Variants in UNC13C observed in about 807,000 individuals in gnomAD.
UNC13C encodes unc-13 homolog C.
UNC13C carries 174 observed loss-of-function variants against 245.4 expected under a neutral mutation model. The ratio of observed to expected loss-of-function variants is 0.71; its 90% confidence interval spans 0.63 to 0.80. UNC13C has a LOEUF of 0.80. UNC13C is among the 30% of genes least tolerant of loss of function. The pLI, the probability that UNC13C is intolerant of heterozygous loss-of-function variation, is 0.00. For missense variants in UNC13C, 2,829 were observed against 2,602.9 expected (o/e 1.09, Z -1.89); for synonymous variants, 992 against 895.1 (o/e 1.11, Z -1.93).
intron 2 of UNC13C, chr15:54,048,486 C>T: frequency 6.6e-6 from 4 of 606,672 alleles, no homozygotes; most frequent in Non-Finnish European, 1.3e-5. Flanking sequence ...AGTGCTATTT[C>T]AGCCTCCTGT....
chr15:54,230,643 A>T (rs1049794429), intron 4 of UNC13C, among the ~76,000 whole-genome samples: 1 of 152,096 alleles, frequency 6.6e-6, no homozygotes, highest in Non-Finnish European at 1.5e-5. Flanking sequence ...TACATCTCAG[A>T]TTTTATTAAA....
At chr15:54,182,618 C>A (rs894751590) in intron 4 of UNC13C, among the ~76,000 whole-genome samples, 13 of 151,940 alleles carry the variant, frequency 8.6e-5, no homozygotes, top group African/African-American at 2.9e-4. Context: ...TGGTAGAATT[C>A]AGCTGCAAAT....
At chr15:53,939,341 A>G in the UNC13C span, among the ~76,000 whole-genome samples, 6 of 152,184 alleles carry the variant, frequency 3.9e-5, no homozygotes, top group Non-Finnish European at 4.4e-5. Flanking sequence ...TTGAGGCAGT[A>G]ATAAATACTC....
intron 25 of UNC13C, among the ~76,000 whole-genome samples, 179 bp downstream of exon 25, chr15:54,525,816 T>C (rs1895428280): frequency 6.6e-6 from 1 of 152,216 alleles, no homozygotes; most frequent in South Asian, 2.1e-4. Flanking sequence ...GCTATCTTGC[T>C]ATGCACTCCC....
intron 4 of UNC13C, among the ~76,000 whole-genome samples, chr15:54,172,591 A>C (rs2033441388): frequency 6.7e-6 from 1 of 150,304 alleles, no homozygotes; most frequent in African/African-American, 2.4e-5. Flanking sequence ...TATACCTGGA[A>C]TGTTTCCATA....
chr15:54,518,069 G>A (rs1038032269), intron 24 of UNC13C, among the ~76,000 whole-genome samples: 1 of 152,146 alleles, frequency 6.6e-6, no homozygotes, highest in Non-Finnish European at 1.5e-5. Context: ...TGCACAGACT[G>A]CCTGGTTTCT....
the UNC13C span, among the ~76,000 whole-genome samples, chr15:53,932,148 A>G: frequency 2.0e-5 from 3 of 152,218 alleles, no homozygotes; most frequent in South Asian, 6.2e-4. Context: ...ATCTCTACTA[A>G]AAATACAAAA....
intron 18 of UNC13C, among the ~76,000 whole-genome samples, chr15:54,411,616 ATAC>A (rs2040417778): frequency 3.9e-5 from 6 of 152,084 alleles, no homozygotes; most frequent in Admixed American, 3.9e-4. Flanking sequence ...CTTCACTGAC[ATAC>A]TGTTACACAT....
the UNC13C span, among the ~76,000 whole-genome samples, chr15:53,969,644 C>CTAT: frequency 7.0e-6 from 1 of 143,490 alleles, no homozygotes; most frequent in South Asian, 2.2e-4. Context: ...CATGATTGTG[C>CTAT]TATTGCACTC....
At chr15:54,237,241 C>G (rs1043579462) in intron 6 of UNC13C, among the ~76,000 whole-genome samples, 2 of 152,118 alleles carry the variant, frequency 1.3e-5, no homozygotes, top group Non-Finnish European at 2.9e-5. Context: ...CAGGCTGGCT[C>G]TCTACCAAAG....
intron 4 of UNC13C, among the ~76,000 whole-genome samples, chr15:54,161,003 TGTGA>T (rs905752832): frequency 2.0e-5 from 3 of 152,186 alleles, no homozygotes; most frequent in Admixed American, 6.5e-5. Context: ...GGAAAGCTGT[TGTGA>T]GTAACAGGAC....
chr15:54,212,069 C>A (rs183651077), intron 4 of UNC13C, among the ~76,000 whole-genome samples: 5 of 152,208 alleles, frequency 3.3e-5, no homozygotes, highest in African/African-American at 1.2e-4. Flanking sequence ...TGAACACTAA[C>A]ATATTTTGGG....
rs1333563943 is a variant in UNC13C, at chr15:54,625,318, G to GCAAA, written c.6359+1367_6359+1370dup. The stretch of plus-strand genomic sequence containing the variant: ...AGTCCCAACAGATGAGTTTTCTATT[G>GCAAA]CAAACAGCATTCTATTGCAAACAGC... On this transcript the variant is annotated intron_variant, in intron 32 of 32. Coordinates refer to ENST00000260323, the MANE Select transcript of UNC13C (RefSeq NM_001080534.3). Among the ~76,000 whole-genome samples, 8 of 150,472 alleles carry GCAAA rather than the reference G, an allele frequency of 5.3e-5. No individual in the cohort carries two copies. In the East Asian group the frequency reaches 5.8e-4, roughly 11 times the overall value.
the UNC13C span, among the ~76,000 whole-genome samples, chr15:53,932,319 AC>A: frequency 0.12 from 18,303 of 151,080 alleles, 1,462 homozygotes; most frequent in Non-Finnish European, 0.18. Context: ...AATCAAAACA[AC>A]AACAACAACA....
chr15:54,122,592 A>G (rs1343948012), intron 2 of UNC13C, among the ~76,000 whole-genome samples: 1 of 152,036 alleles, frequency 6.6e-6, no homozygotes, highest in Admixed American at 6.6e-5. Context: ...ATAGAAAAAA[A>G]AATTAATCAC....
the UNC13C span, among the ~76,000 whole-genome samples, chr15:53,878,602 A>G: frequency 1.3e-5 from 2 of 152,224 alleles, no homozygotes; most frequent in South Asian, 4.1e-4. Flanking sequence ...CTAGCCATGC[A>G]CTTCTTGTCT....
At chr15:54,262,306 T>C (rs1312603313) in intron 8 of UNC13C, among the ~76,000 whole-genome samples, 2 of 152,178 alleles carry the variant, frequency 1.3e-5, no homozygotes, top group South Asian at 2.1e-4. Context: ...GTTTGGAAAT[T>C]TGGGAGAGAG....
intron 19 of UNC13C, among the ~76,000 whole-genome samples, chr15:54,457,892 G>GTTTTTTTTTTTTTTCTTTTTTTTTTTTT (rs34133938): frequency 8.1e-6 from 1 of 122,990 alleles, no homozygotes; most frequent in East Asian, 2.4e-4. Flanking sequence ...TCTGCTTTTC[G>GTTTTTTTTTTTTTTCTTTTTTTTTTTTT]TTTTTTTTTT....
At chr15:53,874,819 G>T in the UNC13C span, among the ~76,000 whole-genome samples, 1 of 152,216 alleles carries the variant, frequency 6.6e-6, no homozygotes, top group Non-Finnish European at 1.5e-5. Flanking sequence ...ATCTTGGCTA[G>T]GCGCGGTGGC....
Sources: gnomAD v4.1 joint callset for allele counts (sites outside exome capture counted in the v4.1 genomes callset) on GRCh38, gnomAD v4.1.1 for gene constraint, MANE v1.5 for transcripts, NCBI Gene and HGNC (gene_info 2026-07-23, HGNC 2026-07-21) for gene names.